The following LY6S variants were observed in gnomAD, a reference collection of about 807,000 sequenced individuals.
The protein encoded by LY6S is lymphocyte antigen 6 family member S, also known as lymphocyte antigen 6S.
chr8:143,050,915 C>T, the LY6S span, among the ~76,000 whole-genome samples: 3 of 152,376 alleles, frequency 2.0e-5, no homozygotes, highest in South Asian at 4.1e-4. Flanking sequence ...GACCAGGGCC[C>T]GGCTCGGGGT....
chr8:143,072,260 G>A, the LY6S span, among the ~76,000 whole-genome samples: 2,521 of 109,572 alleles, frequency 0.023, 19 homozygotes, highest in African/African-American at 0.059. Flanking sequence ...CCTGTTTGAG[G>A]AGACAGCCGT....
the LY6S span, chr8:143,057,923 G>C: frequency 1.7e-6 from 1 of 577,390 alleles, no homozygotes; most frequent in Admixed American, 2.8e-5. Context: ...TGCGGCCCAC[G>C]GTGCGGGTGG....
the LY6S span, among the ~76,000 whole-genome samples, chr8:143,041,552 C>A: frequency 1.3e-4 from 20 of 152,108 alleles, no homozygotes; most frequent in Admixed American, 9.2e-4. Flanking sequence ...GGTCCTGAGG[C>A]AATATACATC....
chr8:143,053,207 T>C, the LY6S span: 1 of 152,128 alleles, frequency 6.6e-6, no homozygotes, highest in Non-Finnish European at 1.5e-5. Flanking sequence ...GAATTAAACT[T>C]TGCAATTAAC....
At chr8:143,060,791 C>T in the LY6S span, among the ~76,000 whole-genome samples, 1 of 152,124 alleles carries the variant, frequency 6.6e-6, no homozygotes, top group Non-Finnish European at 1.5e-5. Context: ...ACCCACAGGT[C>T]CTGTAGGGCT....
the LY6S span, among the ~76,000 whole-genome samples, chr8:143,068,928 C>T: frequency 6.6e-6 from 1 of 152,134 alleles, no homozygotes; most frequent in East Asian, 1.9e-4. Flanking sequence ...GGGAGAAATG[C>T]TCCCCGCACC....
chr8:143,068,775 T>C, the LY6S span, among the ~76,000 whole-genome samples: 2 of 151,858 alleles, frequency 1.3e-5, no homozygotes, highest in Non-Finnish European at 2.9e-5. Context: ...TCTGAGAATA[T>C]CTCGCTCCAG....
chr8:143,070,174 CTCTTA>C, the LY6S span, among the ~76,000 whole-genome samples: 2 of 151,468 alleles, frequency 1.3e-5, no homozygotes, highest in Non-Finnish European at 2.9e-5. Flanking sequence ...TCCTCACCTC[CTCTTA>C]TAAGGACACC....
the LY6S span, among the ~76,000 whole-genome samples, chr8:143,048,981 G>T: frequency 6.6e-6 from 1 of 152,150 alleles, no homozygotes; most frequent in Non-Finnish European, 1.5e-5. Flanking sequence ...GGAAAGGCTC[G>T]CTGATGAGAC....
the LY6S span, among the ~76,000 whole-genome samples, chr8:143,066,949 G>C: frequency 7.9e-5 from 12 of 152,184 alleles, no homozygotes; most frequent in Non-Finnish European, 1.6e-4. Context: ...GGCCTCAAAG[G>C]CATTTCAGAA....
the LY6S span, among the ~76,000 whole-genome samples, chr8:143,063,372 A>C: frequency 4.6e-5 from 7 of 152,172 alleles, no homozygotes; most frequent in Admixed American, 4.6e-4. Flanking sequence ...ATCAGTCCAG[A>C]GGATTGCGGT....
At chr8:143,044,089 C>T in the LY6S span, 1 of 455,252 alleles carries the variant, frequency 2.2e-6, no homozygotes, top group South Asian at 1.6e-5. Context: ...GGGCAGGCTG[C>T]AGCCCCTCCC....
the LY6S span, among the ~76,000 whole-genome samples, chr8:143,041,790 C>A: frequency 6.6e-6 from 1 of 152,116 alleles, no homozygotes; most frequent in African/African-American, 2.4e-5. Flanking sequence ...TTCAGCCGGT[C>A]CCTCTGTTTG....
chr8:143,044,431 T>C, the LY6S span, among the ~76,000 whole-genome samples: 162 of 152,190 alleles, frequency 1.1e-3, no homozygotes, highest in African/African-American at 3.7e-3. Flanking sequence ...GAACATCCCC[T>C]GTCCCTGCAG....
chr8:143,044,898 C>T, the LY6S span: 49 of 1,195,280 alleles, frequency 4.1e-5, no homozygotes, highest in African/African-American at 4.9e-4. Flanking sequence ...CCACTCTCAC[C>T]ACCACCCTTG....
At chr8:143,063,090 T>C in the LY6S span, among the ~76,000 whole-genome samples, 1 of 152,216 alleles carries the variant, frequency 6.6e-6, no homozygotes, top group Non-Finnish European at 1.5e-5. Context: ...CACAGGCTCC[T>C]GTTTGGAGCA....
chr8:143,052,814 G>C, the LY6S span, among the ~76,000 whole-genome samples: 1 of 152,220 alleles, frequency 6.6e-6, no homozygotes, highest in Non-Finnish European at 1.5e-5. Context: ...GGTATACTCT[G>C]TCATCTATCG....
chr8:143,043,304 G>A, the LY6S span: 13 of 1,242,156 alleles, frequency 1.0e-5, no homozygotes, highest in Admixed American at 1.1e-4. Context: ...TCTGGCAGGA[G>A]AGGAGGGAGA....
At chr8:143,044,529 T>TA in the LY6S span, 2 of 316,530 alleles carry the variant, frequency 6.3e-6, no homozygotes, top group South Asian at 2.5e-5. Flanking sequence ...CTGCCCGCCA[T>TA]GCCCACCCCA....
Sources: allele counts gnomAD v4.1 joint callset (sites outside exome capture counted in the v4.1 genomes callset), GRCh38; gene constraint gnomAD v4.1.1; transcripts MANE v1.5; gene names NCBI Gene and HGNC (gene_info 2026-07-23, HGNC 2026-07-21).